Variants in EBF1 observed in about 807,000 individuals in gnomAD.
EBF1 encodes EBF transcription factor 1.
In EBF1, 10 loss-of-function variants were observed where a neutral mutation model predicts 68.4. That is an observed-to-expected ratio of 0.15 (90% CI 0.09 to 0.25). The LOEUF (loss-of-function observed/expected upper bound fraction) is 0.25. EBF1 is among the 10% of genes least tolerant of loss of function. The pLI is 1.00. For synonymous variants in EBF1, 298 were observed against 299.8 expected (o/e 0.99, Z 0.06); for missense variants, 509 against 794.4 (o/e 0.64, Z 4.32).
At chr5:159,062,720 T>C (rs1334467131) in intron 6 of EBF1, among the ~76,000 whole-genome samples, 1 of 152,224 alleles carries the variant, frequency 6.6e-6, no homozygotes, top group Non-Finnish European at 1.5e-5. Context: ...CTCTGAAATC[T>C]GGTGGTTTGC....
intron 10 of EBF1, among the ~76,000 whole-genome samples, chr5:158,761,434 T>A (rs531842775): frequency 6.6e-6 from 1 of 152,240 alleles, no homozygotes; most frequent in Non-Finnish European, 1.5e-5. Context: ...GTTAATTCTA[T>A]GCTTCCTATG....
At chr5:158,732,499 G>A (rs1764305857) in intron 10 of EBF1, among the ~76,000 whole-genome samples, 1 of 151,882 alleles carries the variant, frequency 6.6e-6, no homozygotes, top group African/African-American at 2.4e-5. Context: ...TCTTTAACTT[G>A]TCAACTTGTA....
chr5:158,715,651 AATAC>A (rs1305022637), intron 11 of EBF1, among the ~76,000 whole-genome samples: 1 of 152,190 alleles, frequency 6.6e-6, no homozygotes, highest in Non-Finnish European at 1.5e-5. Flanking sequence ...GATTTGAACC[AATAC>A]ATCTGAAATC....
intron 6 of EBF1, among the ~76,000 whole-genome samples, chr5:159,063,944 A>G (rs1462548978): frequency 5.9e-5 from 9 of 152,098 alleles, no homozygotes; most frequent in South Asian, 4.1e-4. Context: ...AGCTACTAAT[A>G]AGTAGCTGTG....
At chr5:159,019,210 G>A (rs965811172) in intron 6 of EBF1, 1 of 152,318 alleles carries the variant, frequency 6.6e-6, no homozygotes, top group Middle Eastern at 3.4e-3. Context: ...GACTCCATGA[G>A]AAAGCCCTTT....
intron 6 of EBF1, among the ~76,000 whole-genome samples, chr5:159,051,183 A>T (rs1231427008): frequency 1.3e-5 from 2 of 152,122 alleles, no homozygotes; most frequent in African/African-American, 4.8e-5. Context: ...ACCATTTTGA[A>T]GCCGCACCAC....
rs1453063198 is a variant in EBF1, at chr5:159,001,111, A to G, written c.554+72285T>C. Among the ~76,000 whole-genome samples, 5 of 152,188 alleles carry G rather than the reference A, an allele frequency of 3.3e-5. No homozygotes were observed. In the East Asian group the frequency reaches 9.6e-4, roughly 29 times the overall value. Reference sequence around the variant, plus strand: ...AGCAAATATGAGAATACTGTATTCTATTAAAAGTCAGACAATGTAAAAATG... The same window carrying G: ...AGCAAATATGAGAATACTGTATTCTGTTAAAAGTCAGACAATGTAAAAATG... On this transcript the variant is annotated intron_variant, in intron 6 of 15. Transcript: ENST00000313708.
chr5:158,935,033 C>G (rs1013830156), intron 6 of EBF1, among the ~76,000 whole-genome samples: 1 of 152,222 alleles, frequency 6.6e-6, no homozygotes. Context: ...TAAGATGTAA[C>G]TGACTACACT....
At chr5:158,848,212 T>C (rs1260822449) in intron 6 of EBF1, among the ~76,000 whole-genome samples, 1 of 152,198 alleles carries the variant, frequency 6.6e-6, no homozygotes, top group Non-Finnish European at 1.5e-5. Context: ...TAGTAACAAG[T>C]GGAGCTGAGA....
At chr5:158,787,516 G>C (rs1190389808) in intron 9 of EBF1, among the ~76,000 whole-genome samples, 1 of 152,118 alleles carries the variant, frequency 6.6e-6, no homozygotes, top group Non-Finnish European at 1.5e-5. Flanking sequence ...GAATTTTAGG[G>C]AGTTGAGATT....
At chr5:158,811,984 A>T (rs1178015751) in intron 8 of EBF1, among the ~76,000 whole-genome samples, 1 of 152,188 alleles carries the variant, frequency 6.6e-6, no homozygotes, top group Non-Finnish European at 1.5e-5. Context: ...AAGCTCTCTT[A>T]GGAGTCTGTA....
chr5:158,962,370 G>C (rs77387546), intron 6 of EBF1, among the ~76,000 whole-genome samples: 1 of 152,034 alleles, frequency 6.6e-6, no homozygotes, highest in Non-Finnish European at 1.5e-5. Flanking sequence ...GCTGGGGACC[G>C]AGGCAAGCAG....
chr5:158,946,177 A>G (rs999085807), intron 6 of EBF1, among the ~76,000 whole-genome samples: 1 of 152,112 alleles, frequency 6.6e-6, no homozygotes, highest in Non-Finnish European at 1.5e-5. Context: ...TCTGAAGCCT[A>G]CTTCTGTCAA....
At chr5:158,906,023 G>T (rs1804506249) in intron 6 of EBF1, among the ~76,000 whole-genome samples, 1 of 152,048 alleles carries the variant, frequency 6.6e-6, no homozygotes, top group Non-Finnish European at 1.5e-5. Flanking sequence ...AATCACGTAT[G>T]CTTTTAGTCT....
At chr5:158,770,678 C>T (rs1005959051) in intron 10 of EBF1, among the ~76,000 whole-genome samples, 1 of 152,064 alleles carries the variant, frequency 6.6e-6, no homozygotes, top group African/African-American at 2.4e-5. Flanking sequence ...CATTTGCTCC[C>T]TCTGCTGGAA....
chr5:159,021,533 G>A (rs993549441), intron 6 of EBF1, among the ~76,000 whole-genome samples: 2 of 152,176 alleles, frequency 1.3e-5, no homozygotes, highest in South Asian at 2.1e-4. Context: ...GTACACAGCC[G>A]CATGCAGCGC....
intron 8 of EBF1, among the ~76,000 whole-genome samples, chr5:158,812,684 C>T (rs1562000466): frequency 6.6e-6 from 1 of 152,098 alleles, no homozygotes; most frequent in Non-Finnish European, 1.5e-5. Context: ...AATTCTATCT[C>T]AGAAATTGAT....
chr5:158,857,700 G>T (rs34591328), intron 6 of EBF1, among the ~76,000 whole-genome samples: 1 of 152,088 alleles, frequency 6.6e-6, no homozygotes, highest in Non-Finnish European at 1.5e-5. Flanking sequence ...AAATGGAGAC[G>T]GGGAAAAAAT....
At chr5:159,095,807 G>A in intron 3 of EBF1, 132 bp from the exon 4 acceptor site, 7 of 874,928 alleles carry the variant, frequency 8.0e-6, no homozygotes, top group Non-Finnish European at 1.2e-5. Flanking sequence ...CTCCAAGGCT[G>A]ATTGGAACTC....
Sources: gnomAD v4.1 joint callset for allele counts (sites outside exome capture counted in the v4.1 genomes callset) on GRCh38, gnomAD v4.1.1 for gene constraint, MANE v1.5 for transcripts, NCBI Gene and HGNC (gene_info 2026-07-23, HGNC 2026-07-21) for gene names.